The following PTPN3 variants were observed in gnomAD, a reference collection of about 807,000 sequenced individuals.
PTPN3 encodes protein tyrosine phosphatase non-receptor type 3.
PTPN3 carries 96 observed loss-of-function variants against 132.7 expected under a neutral mutation model. The observed-to-expected ratio is 0.72, with a 90% CI of 0.61 to 0.86. PTPN3 has a LOEUF of 0.86. Among genes scored for constraint, PTPN3 ranks in the 40% least tolerant of loss-of-function variants. The pLI is 0.00. For synonymous variants in PTPN3, 398 were observed against 429.0 expected, an observed-to-expected ratio of 0.93 and a Z score of 0.89; for missense variants, 1,125 against 1,159.6, an observed-to-expected ratio of 0.97 and a Z score of 0.43.
At chr9:109,392,850 C>T (rs1182459592) in intron 19 of PTPN3, 3 of 152,160 alleles carry the variant, frequency 2.0e-5, no homozygotes, top group Non-Finnish European at 2.9e-5. Context: ...CTGATCTGCC[C>T]GCCTGGACCT....
At chr9:109,407,165 C>G (rs147761685) in intron 17 of PTPN3, among the ~76,000 whole-genome samples, 2 of 152,284 alleles carry the variant, frequency 1.3e-5, no homozygotes, top group Non-Finnish European at 2.9e-5. Flanking sequence ...AGTAAAATCC[C>G]AACGTGGTTC....
chr9:109,395,299 A>T (rs1840482080), intron 19 of PTPN3, among the ~76,000 whole-genome samples: 1 of 151,732 alleles, frequency 6.6e-6, no homozygotes, highest in African/African-American at 2.4e-5. Flanking sequence ...ATACAACAAA[A>T]GAAATCTATT....
intron 2 of PTPN3, among the ~76,000 whole-genome samples, chr9:109,457,883 C>G (rs1845646469): frequency 6.6e-6 from 1 of 152,248 alleles, no homozygotes; most frequent in South Asian, 2.1e-4. Flanking sequence ...TAAAAATACT[C>G]AACTGCCATT....
intron 24 of PTPN3, 21 bp downstream of exon 24, chr9:109,382,281 A>C: frequency 6.2e-7 from 1 of 1,612,290 alleles, no homozygotes; most frequent in South Asian, 1.1e-5. Flanking sequence ...TCCAAACCTA[A>C]CAAAACAGCA....
intron 25 of PTPN3, among the ~76,000 whole-genome samples, chr9:109,380,536 G>A (rs1327305763): frequency 6.6e-6 from 1 of 152,214 alleles, no homozygotes; most frequent in Non-Finnish European, 1.5e-5. Flanking sequence ...GATTATAGGC[G>A]TGAGCCACCG....
At chr9:109,391,871 G>C (rs796321700) in intron 19 of PTPN3, among the ~76,000 whole-genome samples, 12 of 16,456 alleles carry the variant, frequency 7.3e-4, no homozygotes, top group East Asian at 3.4e-3. Flanking sequence ...AACTAGATGT[G>C]GGGGGGGGGG....
intron 1 of PTPN3, among the ~76,000 whole-genome samples, chr9:109,466,280 CAACAATACCGTAT>C (rs1190257359): frequency 1.3e-5 from 2 of 152,056 alleles, no homozygotes; most frequent in Admixed American, 6.6e-5. Context: ...TACTGCAGTA[CAACAATACCGTAT>C]AGCAATACAA....
At chr9:109,468,120 T>C (rs1244731922) in intron 1 of PTPN3, among the ~76,000 whole-genome samples, 2 of 152,178 alleles carry the variant, frequency 1.3e-5, no homozygotes, top group Non-Finnish European at 2.9e-5. Context: ...TTTCCTGTAC[T>C]ACAGCAATTG....
chr9:109,380,186 A>G (rs943772842), intron 25 of PTPN3, among the ~76,000 whole-genome samples: 1 of 152,112 alleles, frequency 6.6e-6, no homozygotes, highest in Non-Finnish European at 1.5e-5. Context: ...GGATAAAAGC[A>G]TTTAGACTGA....
intron 5 of PTPN3, chr9:109,451,323 C>G (rs1845233553): frequency 1.0e-6 from 1 of 981,802 alleles, no homozygotes; most frequent in African/African-American, 1.7e-5. Context: ...TAAGATAAAT[C>G]TGGTGCCCAA....
chr9:109,505,988 T>A, the PTPN3 span, among the ~76,000 whole-genome samples: 1 of 151,694 alleles, frequency 6.6e-6, no homozygotes, highest in African/African-American at 2.4e-5. Flanking sequence ...CCTGACCTCG[T>A]GATCCGCCTG....
the PTPN3 span, chr9:109,532,996 C>G: frequency 1.9e-6 from 1 of 524,906 alleles, no homozygotes; most frequent in Non-Finnish European, 2.7e-6. Flanking sequence ...GCTCTTGTCC[C>G]CCAGGCTGGA....
intron 19 of PTPN3, among the ~76,000 whole-genome samples, chr9:109,394,505 C>G (rs763274938): frequency 1.3e-5 from 2 of 149,164 alleles, no homozygotes. Context: ...TGCAGTGGTG[C>G]GATCTCAGCT....
chr9:109,445,192 T>C (rs1454263823), intron 7 of PTPN3, 48 bp downstream of exon 7: 1 of 1,572,320 alleles, frequency 6.4e-7, no homozygotes, highest in Admixed American at 1.7e-5. Flanking sequence ...CTCCACACAC[T>C]GATCAGAACA....
chr9:109,435,788 A>G (rs561685261), intron 9 of PTPN3, among the ~76,000 whole-genome samples: 1 of 152,356 alleles, frequency 6.6e-6, no homozygotes, highest in South Asian at 2.1e-4. Context: ...ATCTAAGATA[A>G]AATATTATTT....
At chr9:109,395,632 TA>T (rs1840513770) in intron 19 of PTPN3, among the ~76,000 whole-genome samples, 2 of 151,884 alleles carry the variant, frequency 1.3e-5, no homozygotes, top group Non-Finnish European at 2.9e-5. Flanking sequence ...ACTAAAAATA[TA>T]AAAATTAGCC....
At chr9:109,478,970 T>G (rs1846826078) in intron 1 of PTPN3, among the ~76,000 whole-genome samples, 1 of 152,124 alleles carries the variant, frequency 6.6e-6, no homozygotes, top group Admixed American at 6.5e-5. Flanking sequence ...TCTTTTTCTT[T>G]TCTTTTTTTC....
chr9:109,377,103 T>C lies in PTPN3; in HGVS notation c.*2453A>G, dbSNP rs1013747219. On this transcript the variant is annotated 3_prime_UTR_variant, in exon 26 of 26. Coordinates refer to ENST00000374541, the MANE Select transcript of PTPN3 (RefSeq NM_002829.4). ...TGCACACAGGGTGATGATGCATTTT[T>C]ACCAAACAGTAATAACTTGCTAAAT... The C allele has an allele frequency of 3.3e-5, 5 of 152,242 alleles. No homozygotes were observed. The highest frequency in any genetic ancestry group is 1.2e-4 in the African/African-American group (5 of 41,460). 9.4% of individuals were successfully genotyped at this position (152,242 alleles called of 1,614,324 possible). A position where few individuals can be genotyped will look rare whatever the true frequency, so the allele number is the denominator to read the frequency against.
At chr9:109,466,745 G>A (rs1331628291) in intron 1 of PTPN3, among the ~76,000 whole-genome samples, 1 of 152,224 alleles carries the variant, frequency 6.6e-6, no homozygotes, top group African/African-American at 2.4e-5. Context: ...TCAGGGCATG[G>A]CTAGAGAAAA....
Sources: allele counts gnomAD v4.1 joint callset (sites outside exome capture counted in the v4.1 genomes callset), GRCh38; gene constraint gnomAD v4.1.1; transcripts MANE v1.5; gene names NCBI Gene and HGNC (gene_info 2026-07-23, HGNC 2026-07-21).